FRAS1: variants seen among roughly 807,000 people sequenced by gnomAD.
The protein encoded by FRAS1 is extracellular matrix organizing protein FRAS1.
FRAS1 carries 290 observed loss-of-function variants against 435.2 expected under a neutral mutation model. The ratio of observed to expected loss-of-function variants is 0.67; its 90% CI spans 0.61 to 0.73. The LOEUF (loss-of-function observed/expected upper bound fraction) is 0.73. Ranked by LOEUF, FRAS1 falls within the 30% of genes least tolerant of loss-of-function variation. FRAS1 has a pLI of 0.00. For missense variants in FRAS1, 4,860 were observed against 5,001.5 expected (o/e 0.97, Z 0.85); for synonymous variants, 1,800 against 1,851.0 (o/e 0.97, Z 0.71).
intron 2 of FRAS1, among the ~76,000 whole-genome samples, chr4:78,147,028 A>G (rs1720448609): frequency 6.6e-6 from 1 of 151,358 alleles, no homozygotes; most frequent in Admixed American, 6.6e-5. Context: ...TGCCCCCAGT[A>G]GACATCTACA....
intron 2 of FRAS1, among the ~76,000 whole-genome samples, chr4:78,105,542 T>C (rs541941016): frequency 5.4e-4 from 82 of 152,256 alleles, no homozygotes; most frequent in Non-Finnish European, 1.1e-3. Context: ...CCTTGGTACT[T>C]ATAAAGACCG....
chr4:78,414,493 A>T, intron 32 of FRAS1, among the ~76,000 whole-genome samples: 1 of 152,252 alleles, frequency 6.6e-6, no homozygotes, highest in East Asian at 1.9e-4. Context: ...CTCGTACGTT[A>T]CTTAAAATAT....
chr4:78,243,215 T>A (rs537019384), intron 3 of FRAS1, among the ~76,000 whole-genome samples: 3 of 152,316 alleles, frequency 2.0e-5, no homozygotes, highest in African/African-American at 7.2e-5. Flanking sequence ...TATATCTATA[T>A]GTATGCATAT....
At chr4:78,354,423 G>A (rs1730770388) in intron 20 of FRAS1, among the ~76,000 whole-genome samples, 1 of 152,194 alleles carries the variant, frequency 6.6e-6, no homozygotes, top group Non-Finnish European at 1.5e-5. Context: ...ATTTGTAACA[G>A]CTTACGGGTG....
rs1295234227 is a variant in FRAS1, at chr4:78,452,248, C to T, written c.6657C>T (p.Thr2219=). The change falls in exon 47 of 74, where the codon ACC becomes ACT. Residue 2219 remains threonine (T), a synonymous_variant. Coordinates refer to ENST00000512123, the MANE Select transcript of FRAS1 (RefSeq NM_025074.7). ...VLDENSVKKI[T]TLQLSATDQD... is the part of the protein sequence containing the mutation. ...ATGAAAACTCAGTGAAGAAAATCAC[C>T]ACCCTGCAGCTGTCTGCCACTGACC... 6.2e-7 allele frequency: 1 copy of T among 1,613,764 alleles called. No homozygotes were observed. The highest frequency in any genetic ancestry group is 8.5e-7 in the Non-Finnish European group (1 of 1,179,720).
At chr4:78,203,248 A>G (rs551534585) in intron 2 of FRAS1, among the ~76,000 whole-genome samples, 3 of 152,342 alleles carry the variant, frequency 2.0e-5, no homozygotes, top group Admixed American at 6.5e-5. Context: ...GTGTGGGTGC[A>G]TGTTAGGATC....
intron 19 of FRAS1, among the ~76,000 whole-genome samples, chr4:78,334,065 A>G (rs1730059941): frequency 6.6e-6 from 1 of 152,254 alleles, no homozygotes; most frequent in African/African-American, 2.4e-5. Context: ...CTGAGATTAC[A>G]GATGTGAGCT....
intron 11 of FRAS1, 74 bp from the exon 12 acceptor site, chr4:78,282,746 A>C: frequency 6.4e-7 from 1 of 1,560,884 alleles, no homozygotes; most frequent in Non-Finnish European, 8.8e-7. Flanking sequence ...GGAAATTGTA[A>C]GTTCTTCAGC....
At chr4:78,257,498 A>G (rs1725848263) in intron 6 of FRAS1, among the ~76,000 whole-genome samples, 1 of 152,176 alleles carries the variant, frequency 6.6e-6, no homozygotes, top group African/African-American at 2.4e-5. Context: ...TTCTGGAAAA[A>G]TTTGCAACCT....
At chr4:78,445,170 T>C (rs1718762345) in intron 41 of FRAS1, among the ~76,000 whole-genome samples, 1 of 152,266 alleles carries the variant, frequency 6.6e-6, no homozygotes. Flanking sequence ...TCTCTGCTTC[T>C]GTATTGTCAC....
chr4:78,511,509 C>T lies in FRAS1; in HGVS notation c.10013+3C>T, dbSNP rs762889605. The T allele has an allele frequency of 6.2e-7, 1 of 1,608,228 alleles. No individual in the cohort carries two copies. The highest frequency in any genetic ancestry group is 2.2e-5 in the East Asian group (1 of 44,702). On this transcript the variant is annotated splice_donor_region_variant and intron_variant, in intron 64 of 73. Coordinates refer to ENST00000512123, the MANE Select transcript of FRAS1 (RefSeq NM_025074.7). ...AAACATAAGGAGCATCCGAACAGGT[C>T]AGGCAGGTGGTGCCTTCCACCACAC...
chr4:78,074,627 C>A (rs1307652359), intron 2 of FRAS1, among the ~76,000 whole-genome samples: 6 of 152,040 alleles, frequency 3.9e-5, no homozygotes, highest in African/African-American at 9.7e-5. Flanking sequence ...AGTTTCCCAC[C>A]CTTTCCTAGT....
intron 59 of FRAS1, among the ~76,000 whole-genome samples, chr4:78,494,858 A>T (rs548882155): frequency 6.6e-6 from 1 of 152,288 alleles, no homozygotes; most frequent in African/African-American, 2.4e-5. Context: ...TGTTGGATAT[A>T]CAATCAGTTT....
Position 78,416,849 on chromosome 4 carries a change from A to G in FRAS1, c.4426-2100A>G, listed in dbSNP as rs565711764. On this transcript the variant is annotated intron_variant, in intron 32 of 73. Transcript: ENST00000512123. ...GAGGCAAGAGAGCAATTGGGAGGCC[A>G]CTGGGTTAATCCTGGGGAGAGACTG... is the stretch of plus-strand genomic sequence containing the variant. Among the ~76,000 whole-genome samples the G allele has an allele frequency of 8.5e-5, 13 of 152,220 alleles. No homozygotes were observed. The South Asian group carries it at 2.5e-3, about 29-fold the overall frequency.
intron 47 of FRAS1, among the ~76,000 whole-genome samples, chr4:78,452,872 G>A (rs1282433104): frequency 2.1e-5 from 2 of 96,946 alleles, no homozygotes; most frequent in African/African-American, 3.3e-5. Flanking sequence ...AAATATGGCA[G>A]GTGTTTTAAG....
At chr4:78,398,472 G>A (rs1732758252) in intron 29 of FRAS1, among the ~76,000 whole-genome samples, 1 of 152,178 alleles carries the variant, frequency 6.6e-6, no homozygotes, top group Non-Finnish European at 1.5e-5. Flanking sequence ...CACTCACACA[G>A]GAATTATAGA....
chr4:78,473,507 T>C lies in FRAS1; in HGVS notation c.7592T>C (p.Phe2531Ser), dbSNP rs750963769. 1 of 1,613,470 alleles carries C rather than the reference T, an allele frequency of 6.2e-7. No individual in the cohort carries two copies. The highest frequency in any genetic ancestry group is 1.1e-5 in the South Asian group (1 of 91,008). The part of the protein sequence containing the change: ...KEKIREMMDS[F>S]QFLVKDSKPN... ...AAGATCCGTGAGATGATGGATAGTTTTCAGTTTCTGGTGAAAGACAGTAAA... is the reference window on the plus strand; with the variant it reads ...AAGATCCGTGAGATGATGGATAGTTCTCAGTTTCTGGTGAAAGACAGTAAA... The change falls in exon 53 of 74, where the codon TTT becomes TCT. Residue 2531 changes from phenylalanine (F) to serine (S), a missense_variant. Physicochemically the swap from Phe to Ser is radical, Grantham distance 155. Transcript: ENST00000512123.
At chr4:78,457,321 G>C (rs887766104) in intron 47 of FRAS1, among the ~76,000 whole-genome samples, 5 of 152,182 alleles carry the variant, frequency 3.3e-5, no homozygotes, top group South Asian at 2.1e-4. Flanking sequence ...TGCACCACAG[G>C]GGGGCAGTGG....
In FRAS1 at chr4:78,513,486, T is replaced by G; in HGVS notation, c.10108T>G (p.Ser3370Ala). The G allele has an allele frequency of 6.2e-7, 1 of 1,613,374 alleles. No individual in the cohort carries two copies. The highest frequency in any genetic ancestry group is 8.5e-7 in the Non-Finnish European group (1 of 1,179,372). The change falls in exon 65 of 74, where the codon TCC becomes GCC. Residue 3370 changes from serine (S) to alanine (A), a missense_variant. Transcript: ENST00000512123. The part of the protein sequence containing the change: ...LHNLHFLLSE[S>A]IYRHQHVCSN... ...CAACTTACATTTTCTACTGTCTGAG[T>G]CCATCTACAGACACCAGCACGTCTG...
Sources: allele counts gnomAD v4.1 joint callset (sites outside exome capture counted in the v4.1 genomes callset), GRCh38; gene constraint gnomAD v4.1.1; transcripts MANE v1.5; gene names NCBI Gene and HGNC (gene_info 2026-07-23, HGNC 2026-07-21).